The following UTS2B variants were observed in gnomAD, a reference collection of about 807,000 sequenced individuals.
The protein encoded by UTS2B is urotensin-2B.
UTS2B carries 21 observed loss-of-function variants against 19.2 expected under a neutral mutation model. The observed-to-expected ratio is 1.09, with a 90% confidence interval of 0.78 to 1.58. The LOEUF is 1.58. UTS2B is among the 40% of genes most tolerant of loss of function. The pLI, the probability that UTS2B is intolerant of heterozygous loss-of-function variation, is 0.00. For missense variants in UTS2B, 138 were observed against 130.3 expected (o/e 1.06, Z -0.29); for synonymous variants, 57 against 50.2 (o/e 1.14, Z -0.58).
chr3:191,304,140 T>A (rs768004149), intron 4 of UTS2B, among the ~76,000 whole-genome samples: 1 of 152,176 alleles, frequency 6.6e-6, no homozygotes, highest in Non-Finnish European at 1.5e-5. Context: ...GTACTTTTAG[T>A]AGAGACGGGG....
intron 8 of UTS2B, among the ~76,000 whole-genome samples, chr3:191,271,702 C>A (rs971704532): frequency 2.0e-5 from 3 of 152,082 alleles, no homozygotes; most frequent in Non-Finnish European, 4.4e-5. Context: ...GTATCTTTTC[C>A]TTATATTTGG....
rs139770258 is a variant in UTS2B, at chr3:191,277,370, T to C, written c.203-526A>G. Among the ~76,000 whole-genome samples, 998 of 152,300 alleles carry C rather than the reference T, an allele frequency of 6.6e-3. 9 individuals are homozygous for C. The highest frequency in any genetic ancestry group is 0.014 in the Admixed American group (212 of 15,300). On this transcript the variant is annotated intron_variant, in intron 6 of 8. Coordinates refer to ENST00000340524, the MANE Select transcript of UTS2B (RefSeq NM_198152.5). ...AAACCCTGAATTTTAAAAGTATTTA[T>C]TAAGTTATTCTTTTAACCAGCATTT...
upstream of UTS2B, among the ~76,000 whole-genome samples, chr3:191,334,382 G>C (rs1206392579): frequency 6.6e-6 from 1 of 152,122 alleles, no homozygotes; most frequent in East Asian, 1.9e-4. Flanking sequence ...CTGTTAATTT[G>C]TAAAATATAT....
intron 3 of UTS2B, among the ~76,000 whole-genome samples, chr3:191,308,400 T>C (rs1278382601): frequency 6.6e-6 from 1 of 152,194 alleles, no homozygotes; most frequent in Non-Finnish European, 1.5e-5. Context: ...GTCAAAGTAG[T>C]ATTACCAGTT....
intron 6 of UTS2B, among the ~76,000 whole-genome samples, chr3:191,277,258 G>A (rs1186352713): frequency 6.6e-6 from 1 of 152,010 alleles, no homozygotes; most frequent in Non-Finnish European, 1.5e-5. Flanking sequence ...AGGCTAACTT[G>A]CTCCAGGTTT....
intron 4 of UTS2B, among the ~76,000 whole-genome samples, chr3:191,289,325 C>T (rs536641613): frequency 1.3e-5 from 2 of 151,702 alleles, no homozygotes; most frequent in Admixed American, 6.6e-5. Context: ...AGGAGAATGG[C>T]GTAAACCTGG....
At chr3:191,304,199 C>G (rs1284534472) in intron 4 of UTS2B, among the ~76,000 whole-genome samples, 1 of 152,182 alleles carries the variant, frequency 6.6e-6, no homozygotes, top group Non-Finnish European at 1.5e-5. Context: ...CTCAAGTGAT[C>G]CACCTGCCTC....
chr3:191,345,707 G>A, the UTS2B span, among the ~76,000 whole-genome samples: 1 of 151,856 alleles, frequency 6.6e-6, no homozygotes, highest in Non-Finnish European at 1.5e-5. Context: ...AGGTTACCGG[G>A]GTTTTCATTT....
chr3:191,288,821 T>C (rs58361158), intron 4 of UTS2B, among the ~76,000 whole-genome samples: 2,435 of 152,302 alleles, frequency 0.016, 68 homozygotes, highest in African/African-American at 0.056. Flanking sequence ...GACTGGACTC[T>C]ATAAAACTCC....
intron 4 of UTS2B, among the ~76,000 whole-genome samples, chr3:191,292,555 T>A (rs1404024311): frequency 6.6e-6 from 1 of 152,232 alleles, no homozygotes; most frequent in Admixed American, 6.5e-5. Context: ...TATTTTTTCA[T>A]AGATTCCTTA....
chr3:191,324,879 T>C (rs1717703994), intron 2 of UTS2B, among the ~76,000 whole-genome samples: 1 of 151,986 alleles, frequency 6.6e-6, no homozygotes, highest in Admixed American at 6.6e-5. Context: ...TGAAACCTCC[T>C]CTCTACTAAA....
At chr3:191,299,919 G>A (rs750445274) in intron 4 of UTS2B, among the ~76,000 whole-genome samples, 1 of 152,230 alleles carries the variant, frequency 6.6e-6, no homozygotes, top group Non-Finnish European at 1.5e-5. Flanking sequence ...GCCCTGGATA[G>A]GAGACATGGA....
At chr3:191,338,013 C>T in the UTS2B span, among the ~76,000 whole-genome samples, 2 of 152,060 alleles carry the variant, frequency 1.3e-5, no homozygotes, top group Non-Finnish European at 2.9e-5. Context: ...TGACCAAATA[C>T]CAGGGGAGTC....
At chr3:191,306,845 G>A (rs1717154356) in intron 3 of UTS2B, among the ~76,000 whole-genome samples, 2 of 152,134 alleles carry the variant, frequency 1.3e-5, no homozygotes, top group East Asian at 1.9e-4. Flanking sequence ...TTGGCCAGGC[G>A]GGTCTTGAAC....
chr3:191,290,383 C>T (rs900303188), intron 4 of UTS2B, among the ~76,000 whole-genome samples: 2 of 152,180 alleles, frequency 1.3e-5, no homozygotes, highest in African/African-American at 4.8e-5. Flanking sequence ...TCATCACATG[C>T]CAGGCCCTGT....
chr3:191,345,658 G>A, the UTS2B span, among the ~76,000 whole-genome samples: 1 of 152,000 alleles, frequency 6.6e-6, no homozygotes, highest in Non-Finnish European at 1.5e-5. Context: ...GTGTATCTGC[G>A]GTTAGCCATA....
At chr3:191,299,335 C>T (rs1015887634) in intron 4 of UTS2B, among the ~76,000 whole-genome samples, 6 of 152,338 alleles carry the variant, frequency 3.9e-5, no homozygotes, top group South Asian at 2.1e-4. Flanking sequence ...AGGTCTAGGA[C>T]GGAAGGATGG....
the UTS2B span, among the ~76,000 whole-genome samples, chr3:191,343,527 A>G: frequency 1.3e-5 from 2 of 152,244 alleles, no homozygotes; most frequent in Non-Finnish European, 2.9e-5. Context: ...AAACTGAACA[A>G]TTTAAAAACA....
chr3:191,285,916 A>C (rs1022411064), intron 4 of UTS2B, among the ~76,000 whole-genome samples: 1 of 152,184 alleles, frequency 6.6e-6, no homozygotes, highest in Non-Finnish European at 1.5e-5. Context: ...AAAAGAAAAA[A>C]GAAAGTGAAA....
Sources: allele counts gnomAD v4.1 joint callset (sites outside exome capture counted in the v4.1 genomes callset), GRCh38; gene constraint gnomAD v4.1.1; transcripts MANE v1.5; gene names NCBI Gene and HGNC (gene_info 2026-07-23, HGNC 2026-07-21).